CELF4: variants seen among roughly 807,000 people sequenced by gnomAD.
CELF4 encodes the protein CUG-BP- and ETR-3-like factor 4.
Under a neutral mutation model 59.9 loss-of-function variants are expected in CELF4, and 18 were observed. The ratio of observed to expected loss-of-function variants is 0.30; its 90% CI spans 0.21 to 0.45. CELF4 has a LOEUF of 0.45. Ranked by LOEUF, CELF4 falls within the 20% of genes least tolerant of loss-of-function variation. The probability of loss-of-function intolerance (pLI) is 1.00; values close to 1 mark genes in which losing one functional copy is unlikely to be tolerated. For synonymous variants in CELF4, 261 were observed against 267.1 expected, an observed-to-expected ratio of 0.98 and a Z score of 0.22; for missense variants, 456 against 689.0, an observed-to-expected ratio of 0.66 and a Z score of 3.79.
intron 2 of CELF4, among the ~76,000 whole-genome samples, chr18:37,356,108 T>A (rs756030817): frequency 7.4e-4 from 113 of 152,176 alleles, no homozygotes; most frequent in Non-Finnish European, 1.4e-3. Flanking sequence ...CAGGTGACAG[T>A]CCAGTGGCCA....
At chr18:37,487,984 A>G (rs903539137) in intron 1 of CELF4, among the ~76,000 whole-genome samples, 8 of 149,702 alleles carry the variant, frequency 5.3e-5, no homozygotes, top group Non-Finnish European at 8.9e-5. Flanking sequence ...CCCTGAATTT[A>G]TCTCCTTCCA....
Position 37,331,549 on chromosome 18 carries a change from G to A in CELF4, c.370-9668C>T, listed in dbSNP as rs552033608. Among the ~76,000 whole-genome samples the A allele has an allele frequency of 1.2e-4, 19 of 152,252 alleles. No individual in the cohort carries two copies. The East Asian group carries it at 3.3e-3, about 26-fold the overall frequency. On this transcript the variant is annotated intron_variant, in intron 2 of 12. Transcript: ENST00000420428. ...TGAGTCAGGGTGGAAGGAACCAGGC[G>A]TGTGGGTTGGTGCTGTGTGCCTGGC...
chr18:37,520,905 T>TGGGGTTTTCCTGGCACTTC (rs1276416379), intron 1 of CELF4, among the ~76,000 whole-genome samples: 2 of 152,144 alleles, frequency 1.3e-5, no homozygotes, highest in African/African-American at 4.8e-5. Context: ...GTGGGGACTT[T>TGGGGTTTTCCTGGCACTTC]GGGGTTTTCC....
At chr18:37,546,430 T>C (rs1049003713) in intron 1 of CELF4, among the ~76,000 whole-genome samples, 1 of 151,602 alleles carries the variant, frequency 6.6e-6, no homozygotes, top group African/African-American at 2.4e-5. Context: ...AGCTGCAGAG[T>C]AAAAGGCTAC....
intron 1 of CELF4, among the ~76,000 whole-genome samples, chr18:37,546,355 G>A (rs531236594): frequency 1.3e-5 from 2 of 151,796 alleles, no homozygotes; most frequent in Non-Finnish European, 2.9e-5. Context: ...GTGCACACAT[G>A]CTCACTACAT....
At chr18:37,255,539 G>A (rs1256034557) in intron 11 of CELF4, among the ~76,000 whole-genome samples, 1 of 150,318 alleles carries the variant, frequency 6.7e-6, no homozygotes, top group Non-Finnish European at 1.5e-5. Flanking sequence ...TACGAGATTC[G>A]CCTCCAGCCA....
At chr18:37,407,256 A>G (rs1022084749) in intron 2 of CELF4, among the ~76,000 whole-genome samples, 1 of 152,168 alleles carries the variant, frequency 6.6e-6, no homozygotes, top group Non-Finnish European at 1.5e-5. Flanking sequence ...CCTACCCAAC[A>G]ACATCACTCC....
chr18:37,303,637 C>T (rs748709691), intron 3 of CELF4, among the ~76,000 whole-genome samples: 3 of 152,080 alleles, frequency 2.0e-5, no homozygotes, highest in Non-Finnish European at 2.9e-5. Flanking sequence ...TTTAGAGCCA[C>T]GTCTTGGTCA....
At chr18:37,289,641 G>A (rs1191120836) in intron 3 of CELF4, among the ~76,000 whole-genome samples, 4 of 152,046 alleles carry the variant, frequency 2.6e-5, no homozygotes, top group Non-Finnish European at 1.5e-5. Context: ...GTGCCAGCTG[G>A]CCATCTCCAC....
chr18:37,482,322 AG>A (rs1245695731), intron 2 of CELF4, among the ~76,000 whole-genome samples: 1 of 152,208 alleles, frequency 6.6e-6, no homozygotes, highest in Non-Finnish European at 1.5e-5. Flanking sequence ...ACAGGAAGTC[AG>A]GAAAGAGTGA....
chr18:37,350,706 T>C (rs1238508595), intron 2 of CELF4, among the ~76,000 whole-genome samples: 3 of 152,346 alleles, frequency 2.0e-5, no homozygotes, highest in South Asian at 2.1e-4. Flanking sequence ...TAAAATCAGA[T>C]GACCTCGCAA....
rs1173544229 is a variant in CELF4, at chr18:37,489,592, G to A, written c.287-3985C>T. On this transcript the variant is annotated intron_variant, in intron 1 of 12. Transcript: ENST00000420428. ...GAGGAGGGGGCTGTGGGCTGTGAGG[G>A]TGTCCAGCTGAAAGGGGGGAAGGTG... 3.3e-5 allele frequency among the ~76,000 whole-genome samples: 5 copies of A among 152,224 alleles called. No individual in the cohort carries two copies. In the South Asian group the frequency reaches 6.2e-4, roughly 19 times the overall value.
At chr18:37,382,527 G>T (rs2099052045) in intron 2 of CELF4, among the ~76,000 whole-genome samples, 2 of 152,180 alleles carry the variant, frequency 1.3e-5, no homozygotes, top group Admixed American at 6.5e-5. Flanking sequence ...CTGGCCCACT[G>T]CTTCCAGAGC....
intron 3 of CELF4, among the ~76,000 whole-genome samples, chr18:37,288,068 T>C (rs1324553983): frequency 2.6e-5 from 4 of 152,218 alleles, no homozygotes; most frequent in Non-Finnish European, 5.9e-5. Context: ...AGACCTATCT[T>C]GAACCAGCTT....
rs75313456 is a variant in CELF4, at chr18:37,546,749, A to C, written c.286+18607T>G. On this transcript the variant is annotated intron_variant, in intron 1 of 12. Coordinates refer to ENST00000420428, the MANE Select transcript of CELF4 (RefSeq NM_020180.4). ...CCACAGGATGCAGTGTAAATACAAA[A>C]CCCATGTCTACAACATGAATCTACA... is the stretch of plus-strand genomic sequence containing the variant. Among the ~76,000 whole-genome samples, 858 of 152,080 alleles carry C rather than the reference A, an allele frequency of 5.6e-3. 8 individuals are homozygous for C. The highest frequency in any genetic ancestry group is 0.02 in the African/African-American group (810 of 41,440).
intron 1 of CELF4, among the ~76,000 whole-genome samples, chr18:37,555,907 T>C (rs1259250984): frequency 1.3e-5 from 2 of 152,166 alleles, no homozygotes; most frequent in Admixed American, 6.5e-5. Context: ...TGAATGTATG[T>C]GTGTGTATGT....
intron 1 of CELF4, among the ~76,000 whole-genome samples, chr18:37,510,222 C>T (rs1373826719): frequency 6.6e-6 from 1 of 152,090 alleles, no homozygotes; most frequent in Non-Finnish European, 1.5e-5. Context: ...ACAACTTTAC[C>T]CTCCTCCTGC....
At chr18:37,401,573 A>G (rs2099327248) in intron 2 of CELF4, among the ~76,000 whole-genome samples, 1 of 152,192 alleles carries the variant, frequency 6.6e-6, no homozygotes, top group South Asian at 2.1e-4. Context: ...TTCTCTTGAG[A>G]GTGCAACCAA....
intron 8 of CELF4, among the ~76,000 whole-genome samples, chr18:37,269,294 T>C (rs1402333109): frequency 6.6e-6 from 1 of 152,156 alleles, no homozygotes; most frequent in Admixed American, 6.5e-5. Flanking sequence ...GGATATATTA[T>C]GGGGCAAGCT....
Sources: gnomAD v4.1 joint callset for allele counts (sites outside exome capture counted in the v4.1 genomes callset) on GRCh38, gnomAD v4.1.1 for gene constraint, MANE v1.5 for transcripts, NCBI Gene and HGNC (gene_info 2026-07-23, HGNC 2026-07-21) for gene names.